RASEF: variants seen among roughly 807,000 people sequenced by gnomAD.
RASEF encodes the protein ras and EF-hand domain-containing protein.
In RASEF, 68 loss-of-function variants were observed where a neutral mutation model predicts 90.1. The observed-to-expected ratio is 0.75, with a 90% CI of 0.62 to 0.92. RASEF has a LOEUF of 0.92. Ranked by LOEUF, RASEF falls within the 40% of genes least tolerant of loss-of-function variation. The probability of loss-of-function intolerance (pLI) is 0.00; values close to 1 mark genes in which losing one functional copy is unlikely to be tolerated. For synonymous variants in RASEF, 331 were observed against 345.2 expected (o/e 0.96, Z 0.46); for missense variants, 949 against 937.2 (o/e 1.01, Z -0.16).
At chr9:83,057,385 A>G (rs1264358984) in intron 1 of RASEF, among the ~76,000 whole-genome samples, 1 of 152,254 alleles carries the variant, frequency 6.6e-6, no homozygotes, top group African/African-American at 2.4e-5. Flanking sequence ...TAGCATTTGT[A>G]TACACCAATA....
chr9:83,040,170 T>A (rs1829812464), intron 1 of RASEF, among the ~76,000 whole-genome samples: 1 of 152,154 alleles, frequency 6.6e-6, no homozygotes, highest in Non-Finnish European at 1.5e-5. Flanking sequence ...TTTTTCTTTA[T>A]AAATTACCCA....
chr9:82,998,672 T>G (rs1191747561), intron 12 of RASEF, among the ~76,000 whole-genome samples: 1 of 152,114 alleles, frequency 6.6e-6, no homozygotes, highest in Non-Finnish European at 1.5e-5. Flanking sequence ...GGGAATGATT[T>G]AATTTATGAG....
At chr9:83,195,040 G>C in the RASEF span, among the ~76,000 whole-genome samples, 3 of 152,212 alleles carry the variant, frequency 2.0e-5, no homozygotes, top group South Asian at 6.2e-4. Context: ...CACTTTCTGC[G>C]CTCAGAGATC....
chr9:83,153,596 T>A, the RASEF span, among the ~76,000 whole-genome samples: 4 of 152,292 alleles, frequency 2.6e-5, no homozygotes, highest in Admixed American at 2.6e-4. Flanking sequence ...CAGCATTTCT[T>A]CTCCAACCCA....
At chr9:83,112,722 A>G in the RASEF span, among the ~76,000 whole-genome samples, 1 of 152,122 alleles carries the variant, frequency 6.6e-6, no homozygotes, top group African/African-American at 2.4e-5. Flanking sequence ...AAGGATATTT[A>G]GCTGAGAATA....
intron 1 of RASEF, among the ~76,000 whole-genome samples, chr9:83,043,651 C>T (rs1483549553): frequency 6.6e-6 from 1 of 152,100 alleles, no homozygotes; most frequent in Non-Finnish European, 1.5e-5. Flanking sequence ...ATCAAATAAC[C>T]AGAAGCACCC....
the RASEF span, among the ~76,000 whole-genome samples, chr9:83,173,385 T>A: frequency 3.9e-5 from 6 of 152,044 alleles, no homozygotes; most frequent in South Asian, 1.0e-3. Flanking sequence ...TTTTTCCCTT[T>A]TGAGGCTATT....
the RASEF span, among the ~76,000 whole-genome samples, chr9:83,126,652 G>A: frequency 6.6e-6 from 1 of 152,200 alleles, no homozygotes; most frequent in South Asian, 2.1e-4. Flanking sequence ...ACTTTCCCTG[G>A]GAGGACTCTC....
At chr9:83,067,569 A>C (rs145281005), upstream of RASEF, among the ~76,000 whole-genome samples, 2 of 152,340 alleles carry the variant, frequency 1.3e-5, no homozygotes, top group African/African-American at 4.8e-5. Context: ...TATTGTTTCT[A>C]TAATTAATGT....
the RASEF span, among the ~76,000 whole-genome samples, chr9:83,070,170 A>G: frequency 1.3e-5 from 2 of 151,966 alleles, no homozygotes; most frequent in African/African-American, 4.8e-5. Context: ...TTTCAGTTAT[A>G]GTATGTATTT....
chr9:83,140,102 C>T, the RASEF span, among the ~76,000 whole-genome samples: 2 of 152,158 alleles, frequency 1.3e-5, no homozygotes, highest in African/African-American at 2.4e-5. Context: ...GGAAGACTTA[C>T]CATGATGATG....
chr9:82,993,176 C>T, intron 14 of RASEF, 151 bp from the exon 15 acceptor site: 1 of 730,656 alleles, frequency 1.4e-6, no homozygotes, highest in Non-Finnish European at 2.2e-6. Flanking sequence ...CAAAGTATCT[C>T]TAAAAACAGC....
intron 14 of RASEF, among the ~76,000 whole-genome samples, chr9:82,994,263 C>T (rs7847666): frequency 0.54 from 81,662 of 151,938 alleles, 22,148 homozygotes; most frequent in East Asian, 0.78. Flanking sequence ...TCTTTGATGA[C>T]CTCAGGATGC....
At chr9:83,093,990 T>C in the RASEF span, among the ~76,000 whole-genome samples, 2 of 152,342 alleles carry the variant, frequency 1.3e-5, no homozygotes, top group Admixed American at 6.5e-5. Flanking sequence ...AACAGACTTC[T>C]TTATTGCAAG....
chr9:83,081,921 G>T, the RASEF span, among the ~76,000 whole-genome samples: 2 of 152,126 alleles, frequency 1.3e-5, no homozygotes. Context: ...TTAAGACATG[G>T]AAGTAAAATA....
Position 82,980,397 on chromosome 9 carries a change from G to A in RASEF, c.*2280C>T, listed in dbSNP as rs1035092746. 6.6e-6 allele frequency: 1 copy of A among 152,074 alleles called. No individual in the cohort carries two copies. The highest frequency in any genetic ancestry group is 2.4e-5 in the African/African-American group (1 of 41,392). 9.4% of individuals were successfully genotyped at this position (152,074 alleles called of 1,614,324 possible). Reference sequence around the variant, plus strand: ...AACCAGAGCTCTAAGTCTCTAATTTGGATTATGTTACCAAAATATTTATCA... The same window carrying A: ...AACCAGAGCTCTAAGTCTCTAATTTAGATTATGTTACCAAAATATTTATCA... On this transcript the variant is annotated 3_prime_UTR_variant, in exon 17 of 17. Coordinates refer to ENST00000376447, the MANE Select transcript of RASEF (RefSeq NM_152573.4).
intron 1 of RASEF, chr9:83,055,366 G>C: frequency 2.2e-6 from 1 of 464,718 alleles, no homozygotes; most frequent in Non-Finnish European, 3.9e-6. Context: ...GACCCCTTGC[G>C]CTTCCCAGGT....
the RASEF span, among the ~76,000 whole-genome samples, chr9:83,204,191 A>G: frequency 6.6e-6 from 1 of 152,096 alleles, no homozygotes; most frequent in African/African-American, 2.4e-5. Flanking sequence ...GGAAGGAGTA[A>G]GAGGCCTTGG....
chr9:82,987,224 A>AAG (rs1019076727), intron 16 of RASEF, among the ~76,000 whole-genome samples: 2 of 150,992 alleles, frequency 1.3e-5, no homozygotes, highest in Non-Finnish European at 2.9e-5. Context: ...TCCGAAGGCT[A>AAG]AGTATAAAGC....
Sources: gnomAD v4.1 joint callset for allele counts (sites outside exome capture counted in the v4.1 genomes callset) on GRCh38, gnomAD v4.1.1 for gene constraint, MANE v1.5 for transcripts, NCBI Gene and HGNC (gene_info 2026-07-23, HGNC 2026-07-21) for gene names.